C4orf36: variants seen among roughly 807,000 people sequenced by gnomAD.
The protein encoded by C4orf36 is chromosome 4 open reading frame 36.
C4orf36 carries 11 observed loss-of-function variants against 12.2 expected under a neutral mutation model. That is an observed-to-expected ratio of 0.90 (90% CI 0.57 to 1.49). The LOEUF (loss-of-function observed/expected upper bound fraction) is 1.49. Among genes scored for constraint, C4orf36 ranks in the 40% most tolerant of loss-of-function variants. The pLI is 0.00. For synonymous variants in C4orf36, 54 were observed against 51.3 expected (o/e 1.05, Z -0.22); for missense variants, 137 against 133.9 (o/e 1.02, Z -0.11).
chr4:86,910,271 G>A, the C4orf36 span, among the ~76,000 whole-genome samples: 8 of 152,076 alleles, frequency 5.3e-5, no homozygotes, highest in Non-Finnish European at 1.2e-4. Context: ...AATTAGCCAG[G>A]TGTGGTGGCT....
intron 4 of C4orf36, among the ~76,000 whole-genome samples, chr4:86,885,959 T>C (rs966216741): frequency 3.9e-5 from 6 of 152,238 alleles, no homozygotes; most frequent in African/African-American, 1.4e-4. Context: ...GAGATAATCA[T>C]GTGGTTTTTG....
the C4orf36 span, among the ~76,000 whole-genome samples, chr4:86,917,213 G>A: frequency 2.0e-5 from 3 of 152,164 alleles, no homozygotes; most frequent in African/African-American, 7.2e-5. Flanking sequence ...CCAGGAATTC[G>A]AGGCTGCAGT....
the C4orf36 span, among the ~76,000 whole-genome samples, chr4:86,900,706 G>C: frequency 2.0e-5 from 3 of 151,878 alleles, no homozygotes; most frequent in Admixed American, 6.6e-5. Context: ...TAGAGAAGCT[G>C]CCCGCCCATG....
At chr4:86,908,183 A>G in the C4orf36 span, among the ~76,000 whole-genome samples, 2 of 132,752 alleles carry the variant, frequency 1.5e-5, no homozygotes, top group Non-Finnish European at 3.1e-5. Flanking sequence ...ACACACACAC[A>G]CACACACACA....
upstream of C4orf36, among the ~76,000 whole-genome samples, chr4:86,895,665 C>T (rs1015059870): frequency 2.6e-5 from 4 of 152,214 alleles, no homozygotes; most frequent in Non-Finnish European, 4.4e-5. Flanking sequence ...TGGTTTTTCT[C>T]ACAATGACTA....
At chr4:86,914,217 A>C in the C4orf36 span, 2 of 1,597,666 alleles carry the variant, frequency 1.3e-6, no homozygotes, top group Middle Eastern at 1.7e-4. Context: ...AATTCTCAGG[A>C]TCACCAGGGT....
chr4:86,903,973 G>T, the C4orf36 span, among the ~76,000 whole-genome samples: 1 of 152,154 alleles, frequency 6.6e-6, no homozygotes, highest in South Asian at 2.1e-4. Flanking sequence ...TGATTGGTGC[G>T]TTCACAAACC....
intron 4 of C4orf36, among the ~76,000 whole-genome samples, chr4:86,879,360 T>C (rs1044676972): frequency 1.3e-5 from 2 of 152,142 alleles, no homozygotes; most frequent in African/African-American, 2.4e-5. Context: ...ATAGAAACCA[T>C]TTTTTAAAAT....
chr4:86,897,382 T>C (rs1189809261), upstream of C4orf36, among the ~76,000 whole-genome samples: 3 of 151,908 alleles, frequency 2.0e-5, no homozygotes, highest in Non-Finnish European at 4.4e-5. Flanking sequence ...AAAACATACA[T>C]ACATAAAGGG....
At chr4:86,887,152 T>C (rs565610274) in intron 4 of C4orf36, 6 of 152,070 alleles carry the variant, frequency 3.9e-5, no homozygotes, top group South Asian at 2.1e-4. Context: ...TTAGGAGATA[T>C]ACCTAATGTA....
At chr4:86,887,062 A>T (rs1414131454) in intron 4 of C4orf36, 1 of 150,612 alleles carries the variant, frequency 6.6e-6, no homozygotes. Flanking sequence ...GAATTGAAAA[A>T]TGAGAACACT....
the C4orf36 span, among the ~76,000 whole-genome samples, chr4:86,903,457 A>C: frequency 6.6e-6 from 1 of 152,178 alleles, no homozygotes; most frequent in African/African-American, 2.4e-5. Flanking sequence ...CCTTATGGTG[A>C]ATGTCACAGC....
the C4orf36 span, among the ~76,000 whole-genome samples, chr4:86,901,387 A>C: frequency 6.7e-6 from 1 of 148,634 alleles, no homozygotes; most frequent in Non-Finnish European, 1.5e-5. Flanking sequence ...TCACACACAC[A>C]GCTTTTATTT....
the C4orf36 span, among the ~76,000 whole-genome samples, chr4:86,906,488 G>A: frequency 6.4e-3 from 977 of 152,206 alleles, 7 homozygotes; most frequent in Middle Eastern, 0.014. Flanking sequence ...AGCATTTTGG[G>A]AGGCCAAGGC....
the C4orf36 span, among the ~76,000 whole-genome samples, chr4:86,915,701 C>T: frequency 5.7e-4 from 87 of 152,226 alleles, no homozygotes; most frequent in African/African-American, 1.7e-3. Flanking sequence ...GCAGGAGAAT[C>T]ACTTGAACCC....
At chr4:86,926,528 C>G in the C4orf36 span, among the ~76,000 whole-genome samples, 3 of 152,202 alleles carry the variant, frequency 2.0e-5, no homozygotes, top group Admixed American at 2.0e-4. Context: ...CCTGTACAGC[C>G]TGCATTCCAG....
At chr4:86,912,090 G>C in the C4orf36 span, among the ~76,000 whole-genome samples, 1 of 151,972 alleles carries the variant, frequency 6.6e-6, no homozygotes. Context: ...GGTCAGGCTG[G>C]CCTCGAACTC....
At chr4:86,917,891 C>T in the C4orf36 span, among the ~76,000 whole-genome samples, 1 of 152,146 alleles carries the variant, frequency 6.6e-6, no homozygotes, top group Non-Finnish European at 1.5e-5. Flanking sequence ...TTTGTATAAA[C>T]ATAGAAAAGA....
In C4orf36 at chr4:86,876,414, A is replaced by T; in HGVS notation, c.*32T>A. 1 of 1,612,808 alleles carries T rather than the reference A, an allele frequency of 6.2e-7. No individual in the cohort carries two copies. Among genetic ancestry groups the T allele is most frequent in the Non-Finnish European group, 8.5e-7 (1 of 1,179,398 alleles). On this transcript the variant is annotated 3_prime_UTR_variant, in exon 5 of 5. Coordinates refer to ENST00000295898, the MANE Select transcript of C4orf36 (RefSeq NM_144645.4). ...GAAGCAGTTCCCGCCGGCGCTGCTG[A>T]GTTTCTTCATCTACAATCCGCGCTT...
Sources: allele counts gnomAD v4.1 joint callset (sites outside exome capture counted in the v4.1 genomes callset), GRCh38; gene constraint gnomAD v4.1.1; transcripts MANE v1.5; gene names NCBI Gene and HGNC (gene_info 2026-07-23, HGNC 2026-07-21).